The following HECTD4 variants were observed in gnomAD, a reference collection of about 807,000 sequenced individuals.
HECTD4 encodes HECT domain E3 ubiquitin protein ligase 4, also known as probable E3 ubiquitin-protein ligase HECTD4.
A neutral mutation model predicts 471.5 loss-of-function variants in HECTD4; 114 were observed. That is an observed-to-expected ratio of 0.24 (90% confidence interval 0.21 to 0.28). The LOEUF (loss-of-function observed/expected upper bound fraction) is 0.28. Among genes scored for constraint, HECTD4 ranks in the 10% least tolerant of loss-of-function variants. The probability of loss-of-function intolerance (pLI) is 1.00; values close to 1 mark genes in which losing one functional copy is unlikely to be tolerated. For synonymous variants in HECTD4, 2,012 were observed against 2,256.0 expected, an observed-to-expected ratio of 0.89 and a Z score of 3.07; for missense variants, 3,866 against 5,651.5, an observed-to-expected ratio of 0.68 and a Z score of 10.13.
At chr12:112,336,241 T>C (rs568204911) in intron 1 of HECTD4, among the ~76,000 whole-genome samples, 4 of 152,052 alleles carry the variant, frequency 2.6e-5, no homozygotes, top group Non-Finnish European at 5.9e-5. Flanking sequence ...TTAAAAAACA[T>C]GGCCGGGCGC....
At chr12:112,325,539 G>C (rs1206139805) in intron 1 of HECTD4, among the ~76,000 whole-genome samples, 1 of 151,994 alleles carries the variant, frequency 6.6e-6, no homozygotes, top group African/African-American at 2.4e-5. Flanking sequence ...TATCTATTCT[G>C]GTACTTATGA....
chr12:112,283,766 C>G (rs892218711), intron 7 of HECTD4, among the ~76,000 whole-genome samples: 2 of 152,198 alleles, frequency 1.3e-5, no homozygotes, highest in Non-Finnish European at 2.9e-5. Context: ...CCTGGCAGAG[C>G]AAGCCTGGAC....
At chr12:112,268,482 G>A (rs915868091) in intron 13 of HECTD4, among the ~76,000 whole-genome samples, 2 of 152,138 alleles carry the variant, frequency 1.3e-5, no homozygotes, top group Admixed American at 6.5e-5. Context: ...GAGGCCAGGC[G>A]TGGTGGCTCA....
At chr12:112,171,823 T>C (rs532224178) in intron 67 of HECTD4, among the ~76,000 whole-genome samples, 7 of 152,348 alleles carry the variant, frequency 4.6e-5, no homozygotes, top group South Asian at 2.1e-4. Context: ...GCACAGCCCC[T>C]GGGACGAGTG....
At position 112,192,541 on chromosome 12, in the gene HECTD4, C is replaced by G; in HGVS notation, c.9292+19G>C. On this transcript the variant is annotated intron_variant, in intron 59 of 75. Transcript: ENST00000682272. ...ATGACTCCAGCTGTTCTCATCATGA[C>G]AAGCTGCTGGAGACTCACCCAGTTT... The G allele has an allele frequency of 1.3e-6, 2 of 1,510,042 alleles. No homozygotes were observed. Among genetic ancestry groups the G allele is most frequent in the Non-Finnish European group, 1.8e-6 (2 of 1,122,730 alleles). 93.5% of individuals were successfully genotyped at this position (1,510,042 alleles called of 1,614,324 possible). A position where few individuals can be genotyped will look rare whatever the true frequency, so the allele number is the denominator to read the frequency against.
chr12:112,297,622 T>A (rs2035069786), intron 7 of HECTD4, among the ~76,000 whole-genome samples: 2 of 152,016 alleles, frequency 1.3e-5, no homozygotes, highest in South Asian at 4.1e-4. Flanking sequence ...CAGATGCCAT[T>A]ATCTGAAATG....
In HECTD4 at chr12:112,164,234, G is replaced by A. The variant is rs768426467; in HGVS notation, c.12576C>T (p.Ile4192=). The A allele has an allele frequency of 5.6e-6, 9 of 1,613,574 alleles. No individual in the cohort carries two copies. Among genetic ancestry groups the A allele is most frequent in the Admixed American group, 1.7e-5 (1 of 59,996 alleles). Reference sequence around the variant, plus strand: ...TCTCCGTGGCCAGGTGCTGGGAGGCGATCTCAGCGCACAGGGCCTCCAGCT... The same window carrying A: ...TCTCCGTGGCCAGGTGCTGGGAGGCAATCTCAGCGCACAGGGCCTCCAGCT... ...ETELEALCAE[I]ASQHLATESP... The change falls in exon 73 of 76, where the codon ATC becomes ATT. Residue 4192 remains isoleucine, a synonymous_variant. Coordinates refer to ENST00000682272, the MANE Select transcript of HECTD4 (RefSeq NM_001388303.1).
chr12:112,184,139 T>C lies in HECTD4; in HGVS notation c.10779+48A>G. 6.7e-7 allele frequency: 1 copy of C among 1,493,136 alleles called. No individual in the cohort carries two copies. Among genetic ancestry groups the C allele is most frequent in the South Asian group, 1.2e-5 (1 of 80,612 alleles). 92.5% of individuals were successfully genotyped at this position (1,493,136 alleles called of 1,614,324 possible). On this transcript the variant is annotated intron_variant, in intron 61 of 75. Transcript: ENST00000682272. This position sits in a 1 kb window ranked among gnomAD's most constrained non-coding sequence, Gnocchi z 9.1. Reference sequence around the variant, plus strand: ...GGAAGATTTAAAGAGGCTTGGGGGATTGAAATGGGTCATGATTTAGTGGTT... The same window carrying C: ...GGAAGATTTAAAGAGGCTTGGGGGACTGAAATGGGTCATGATTTAGTGGTT...
intron 45 of HECTD4, 131 bp from the exon 46 acceptor site, chr12:112,217,326 C>T (rs1442428486): frequency 1.8e-6 from 1 of 541,302 alleles, no homozygotes; most frequent in Non-Finnish European, 3.1e-6. Flanking sequence ...CATACACACA[C>T]ACACACACAT....
At chr12:112,247,977 TACACAC>T (rs59881558) in intron 27 of HECTD4, 84 bp downstream of exon 27, 67 of 677,554 alleles carry the variant, frequency 9.9e-5, no homozygotes, top group South Asian at 3.7e-4. Flanking sequence ...TTATTTTACC[TACACAC>T]ACACACACAC....
rs1485688206 is a variant in HECTD4, at chr12:112,233,098, A to G, written c.5916-13T>C. 2 of 1,597,220 alleles carry G rather than the reference A, an allele frequency of 1.3e-6. No individual in the cohort carries two copies. The highest frequency in any genetic ancestry group is 1.7e-4 in the Middle Eastern group (1 of 6,052). ...TCCTTCTGAACTACTGAAAAAAGGC[A>G]GGCAGAGAACACAGCACACCTTACA... On this transcript the variant is annotated splice_polypyrimidine_tract_variant and intron_variant, in intron 37 of 75. Transcript: ENST00000682272.
chr12:112,176,308 T>C (rs75514141), intron 65 of HECTD4, among the ~76,000 whole-genome samples: 15 of 152,356 alleles, frequency 9.8e-5, no homozygotes, highest in African/African-American at 3.6e-4. Flanking sequence ...GTCACAATCA[T>C]CTGTTCTTTA....
At chr12:112,244,482 C>T (rs1157230128) in intron 29 of HECTD4, among the ~76,000 whole-genome samples, 1 of 152,162 alleles carries the variant, frequency 6.6e-6, no homozygotes. Flanking sequence ...AATTCTCCTA[C>T]CTCAGCCTCC....
intron 7 of HECTD4, among the ~76,000 whole-genome samples, chr12:112,293,543 A>AAATCAGTCAATC (rs1555255897): frequency 2.0e-5 from 3 of 151,078 alleles, no homozygotes; most frequent in African/African-American, 7.3e-5. Context: ...TTCCATCTCA[A>AAATCAGTCAATC]AATCAATCAA....
intron 7 of HECTD4, among the ~76,000 whole-genome samples, chr12:112,288,766 C>G (rs1395180134): frequency 6.6e-6 from 1 of 152,190 alleles, no homozygotes; most frequent in Non-Finnish European, 1.5e-5. Context: ...GAGAGAGGCC[C>G]TAGAGGATGA....
At chr12:112,366,623 G>A (rs533628919) in intron 1 of HECTD4, among the ~76,000 whole-genome samples, 95 of 151,832 alleles carry the variant, frequency 6.3e-4, no homozygotes, top group Admixed American at 2.9e-3. Flanking sequence ...AAGAGCGCCT[G>A]TAATTCCAGC....
chr12:112,352,116 A>AT (rs1431397173), intron 1 of HECTD4, among the ~76,000 whole-genome samples: 2 of 152,084 alleles, frequency 1.3e-5, no homozygotes, highest in East Asian at 3.8e-4. Flanking sequence ...AATTTTTTAA[A>AT]TTTTTTTGAG....
intron 62 of HECTD4, among the ~76,000 whole-genome samples, chr12:112,180,249 T>TA (rs1166881663): frequency 1.3e-5 from 2 of 152,264 alleles, no homozygotes; most frequent in Admixed American, 6.5e-5. Flanking sequence ...AGTCACAAGT[T>TA]AAAAACCTTC....
chr12:112,169,345 C>T (rs1228058386), intron 70 of HECTD4, among the ~76,000 whole-genome samples, 158 bp downstream of exon 70: 6 of 152,124 alleles, frequency 3.9e-5, no homozygotes, highest in Admixed American at 2.0e-4. Context: ...CTGGAGGACA[C>T]GGGCGTGAGG....
Sources: gnomAD v4.1 joint callset for allele counts (sites outside exome capture counted in the v4.1 genomes callset) on GRCh38, gnomAD v4.1.1 for gene constraint, Gnocchi (gnomAD v3.1) non-coding constraint, MANE v1.5 for transcripts, NCBI Gene and HGNC (gene_info 2026-07-23, HGNC 2026-07-21) for gene names.